DLGAP4: variants seen among roughly 807,000 people sequenced by gnomAD.
DLGAP4 encodes the protein disks large-associated protein 4.
In DLGAP4, 18 loss-of-function variants were observed where a neutral mutation model predicts 86.9. The ratio of observed to expected loss-of-function variants is 0.21; its 90% confidence interval spans 0.14 to 0.31. The LOEUF is 0.31. DLGAP4 is among the 10% of genes least tolerant of loss of function. DLGAP4 has a pLI of 1.00. For synonymous variants in DLGAP4, 548 were observed against 574.3 expected (o/e 0.95, Z 0.65); for missense variants, 1,085 against 1,362.6 (o/e 0.80, Z 3.21).
chr20:36,507,399 T>C (rs1470969286), intron 10 of DLGAP4, among the ~76,000 whole-genome samples: 1 of 152,054 alleles, frequency 6.6e-6, no homozygotes, highest in East Asian at 1.9e-4. Context: ...AGCTAATTTT[T>C]GTATTTTTAG....
intron 2 of DLGAP4, among the ~76,000 whole-genome samples, chr20:36,395,792 G>T (rs1386387628): frequency 6.6e-6 from 1 of 152,100 alleles, no homozygotes; most frequent in East Asian, 1.9e-4. Flanking sequence ...TGCCATTCTC[G>T]ACCATGCTCA....
At chr20:36,502,571 C>CA (rs1311574913) in intron 10 of DLGAP4, among the ~76,000 whole-genome samples, 1 of 151,990 alleles carries the variant, frequency 6.6e-6, no homozygotes, top group African/African-American at 2.4e-5. Context: ...AGGCTGGTCT[C>CA]AAACTCCTGG....
chr20:36,349,572 G>A (rs1478189359), intron 1 of DLGAP4, among the ~76,000 whole-genome samples: 1 of 152,174 alleles, frequency 6.6e-6, no homozygotes, highest in African/African-American at 2.4e-5. Context: ...CAAGTGCAAA[G>A]GCCCTGAGGC....
In DLGAP4 at chr20:36,527,443, T is replaced by G. The variant is rs1198764849; in HGVS notation, c.*412T>G. ...TTGGGCACCTGCCATGTCCCTCCTTTCCCCAGCTATCCCCGCTCTGACCTT... is the reference window on the plus strand; with the variant it reads ...TTGGGCACCTGCCATGTCCCTCCTTGCCCCAGCTATCCCCGCTCTGACCTT... On this transcript the variant is annotated 3_prime_UTR_variant, in exon 13 of 13. Transcript: ENST00000339266. The G allele has an allele frequency of 6.3e-6, 1 of 157,676 alleles. No individual in the cohort carries two copies. Among genetic ancestry groups the G allele is most frequent in the African/African-American group, 2.4e-5 (1 of 40,896 alleles). 9.8% of individuals were successfully genotyped at this position (157,676 alleles called of 1,614,324 possible).
intron 7 of DLGAP4, among the ~76,000 whole-genome samples, chr20:36,458,473 C>G (rs772878667): frequency 6.6e-6 from 1 of 150,488 alleles, no homozygotes; most frequent in African/African-American, 2.4e-5. Flanking sequence ...GTGATCCACC[C>G]GCCTCAGCCT....
At chr20:36,438,683 C>T (rs909282210) in intron 4 of DLGAP4, among the ~76,000 whole-genome samples, 6 of 149,076 alleles carry the variant, frequency 4.0e-5, no homozygotes, top group African/African-American at 1.2e-4. Flanking sequence ...TGAGCCACCA[C>T]GCCTGGTCAG....
intron 2 of DLGAP4, among the ~76,000 whole-genome samples, chr20:36,383,169 A>G (rs573645145): frequency 6.6e-6 from 1 of 152,286 alleles, no homozygotes; most frequent in African/African-American, 2.4e-5. Flanking sequence ...TGGGGTCTCC[A>G]CTGAACTGAA....
chr20:36,440,136 C>T (rs2033407175), intron 5 of DLGAP4, among the ~76,000 whole-genome samples: 1 of 152,316 alleles, frequency 6.6e-6, no homozygotes, highest in Admixed American at 6.5e-5. Flanking sequence ...TGTCACTTCT[C>T]ATTGGGTTCA....
chr20:36,357,793 T>A (rs1045012721), intron 1 of DLGAP4, among the ~76,000 whole-genome samples: 2 of 152,144 alleles, frequency 1.3e-5, no homozygotes, highest in African/African-American at 4.8e-5. Flanking sequence ...GGAAATGTCA[T>A]TAAAGTGAAG....
chr20:36,479,544 C>T (rs1409206620), intron 7 of DLGAP4, among the ~76,000 whole-genome samples: 1 of 151,952 alleles, frequency 6.6e-6, no homozygotes, highest in Non-Finnish European at 1.5e-5. Context: ...AGGGCAGGGG[C>T]CTGGGAAGAC....
chr20:36,366,676 G>A (rs1042014499), intron 1 of DLGAP4, among the ~76,000 whole-genome samples: 14 of 152,260 alleles, frequency 9.2e-5, no homozygotes, highest in Non-Finnish European at 1.6e-4. Flanking sequence ...TTGAACTCAG[G>A]ACTGCATGAC....
chr20:36,315,533 T>C (rs1414980552), intron 1 of DLGAP4, among the ~76,000 whole-genome samples: 1 of 147,588 alleles, frequency 6.8e-6, no homozygotes, highest in Non-Finnish European at 1.5e-5. Flanking sequence ...GAAACTTGGG[T>C]GGCCATGGTT....
intron 11 of DLGAP4, chr20:36,525,406 T>G: frequency 4.7e-6 from 1 of 214,568 alleles, no homozygotes; most frequent in Admixed American, 5.1e-5. Flanking sequence ...GTGGAGTGAG[T>G]GTTTGTCTCC....
At chr20:36,507,445 C>T (rs2147798060) in intron 10 of DLGAP4, among the ~76,000 whole-genome samples, 1 of 152,304 alleles carries the variant, frequency 6.6e-6, no homozygotes, top group South Asian at 2.1e-4. Flanking sequence ...CCAGGCTGGT[C>T]TTGAACTCCT....
Position 36,434,961 on chromosome 20 carries a change from A to G in DLGAP4, c.1000-1148A>G, listed in dbSNP as rs527334437. On this transcript the variant is annotated intron_variant, in intron 3 of 12. Transcript: ENST00000339266. ...GCTGTGTGCATGTGGAGGCGGGGAC[A>G]GTGCAAGGTAGATACACGTTGAGAT... is the stretch of plus-strand genomic sequence containing the variant. Among the ~76,000 whole-genome samples the G allele has an allele frequency of 2.6e-5, 4 of 152,222 alleles. No homozygotes were observed. In the East Asian group the frequency reaches 7.7e-4, roughly 29 times the overall value.
intron 1 of DLGAP4, among the ~76,000 whole-genome samples, chr20:36,354,995 A>C (rs1211610541): frequency 6.6e-6 from 1 of 152,044 alleles, no homozygotes; most frequent in African/African-American, 2.4e-5. Flanking sequence ...AAAACAAGCA[A>C]CTTTATGGAA....
At chr20:36,467,404 A>G (rs1274824902) in intron 7 of DLGAP4, among the ~76,000 whole-genome samples, 2 of 152,090 alleles carry the variant, frequency 1.3e-5, no homozygotes, top group African/African-American at 2.4e-5. Flanking sequence ...GCAGTATGCT[A>G]GTTTTGCTGA....
intron 10 of DLGAP4, 139 bp from the exon 11 acceptor site, chr20:36,524,111 A>G: frequency 1.4e-6 from 1 of 709,664 alleles, no homozygotes; most frequent in South Asian, 1.6e-5. Flanking sequence ...ATTAATGTGT[A>G]GATAAAATGA....
At chr20:36,316,043 C>G (rs1160820837) in intron 1 of DLGAP4, among the ~76,000 whole-genome samples, 1 of 152,236 alleles carries the variant, frequency 6.6e-6, no homozygotes, top group Admixed American at 6.5e-5. Context: ...GGAAGGCAGC[C>G]TCTCATCCTG....
Sources: allele counts gnomAD v4.1 joint callset (sites outside exome capture counted in the v4.1 genomes callset), GRCh38; gene constraint gnomAD v4.1.1; transcripts MANE v1.5; gene names NCBI Gene and HGNC (gene_info 2026-07-23, HGNC 2026-07-21).